COL4A3: variants seen among roughly 807,000 people sequenced by gnomAD.
COL4A3 encodes collagen alpha-3(IV) chain.
COL4A3 carries 135 observed loss-of-function variants against 217.4 expected under a neutral mutation model. That is an observed-to-expected ratio of 0.62 (90% CI 0.54 to 0.72). The LOEUF is 0.72. COL4A3 is among the 30% of genes least tolerant of loss of function. COL4A3 has a pLI of 0.00. For synonymous variants in COL4A3, 690 were observed against 736.3 expected, an observed-to-expected ratio of 0.94 and a Z score of 1.02; for missense variants, 1,868 against 2,119.9, an observed-to-expected ratio of 0.88 and a Z score of 2.33.
chr2:227,275,842 T>A (rs1559889633), intron 26 of COL4A3, among the ~76,000 whole-genome samples: 1 of 152,276 alleles, frequency 6.6e-6, no homozygotes, highest in East Asian at 1.9e-4. Context: ...AAGTATCCTA[T>A]CAGTATTCAC....
rs1480209528 is a variant in COL4A3, at chr2:227,250,796, C to T, written c.547-344C>T. The stretch of plus-strand genomic sequence containing the variant: ...AAGGGGATTCTAGGCAGAGGGAGAG[C>T]AGGTGGCAGGCCCTAACGTAGGAGC... On this transcript the variant is annotated intron_variant, in intron 9 of 51. Coordinates refer to ENST00000396578, the MANE Select transcript of COL4A3 (RefSeq NM_000091.5). This position sits in a 1 kb window ranked among gnomAD's most constrained non-coding sequence, Gnocchi z 4.1. Among the ~76,000 whole-genome samples the T allele has an allele frequency of 6.6e-6, 1 of 151,860 alleles. No homozygotes were observed. Among genetic ancestry groups the T allele is most frequent in the African/African-American group, 2.4e-5 (1 of 41,352 alleles).
At chr2:227,230,983 T>A (rs1408682309) in intron 1 of COL4A3, among the ~76,000 whole-genome samples, 1 of 152,204 alleles carries the variant, frequency 6.6e-6, no homozygotes, top group Non-Finnish European at 1.5e-5. Context: ...GTCAGCTTAA[T>A]TATGTAGCTG....
intron 1 of COL4A3, among the ~76,000 whole-genome samples, chr2:227,173,250 G>A (rs1019981997): frequency 6.6e-6 from 1 of 152,134 alleles, no homozygotes; most frequent in Non-Finnish European, 1.5e-5. Flanking sequence ...ACATCAGTGG[G>A]AATTAGGAAC....
chr2:227,166,296 G>A (rs1001896658), intron 1 of COL4A3, among the ~76,000 whole-genome samples: 1 of 152,148 alleles, frequency 6.6e-6, no homozygotes, highest in South Asian at 2.1e-4. Context: ...ATGCTACTAG[G>A]CATGATAGAT....
intron 1 of COL4A3, among the ~76,000 whole-genome samples, chr2:227,218,526 T>C (rs1322880328): frequency 2.0e-5 from 3 of 152,178 alleles, no homozygotes; most frequent in African/African-American, 7.2e-5. Flanking sequence ...GATATGATAA[T>C]GATTCCATCT....
At chr2:227,210,876 G>C (rs113549964) in intron 1 of COL4A3, among the ~76,000 whole-genome samples, 1 of 5,844 alleles carries the variant, frequency 1.7e-4, no homozygotes, top group African/African-American at 2.2e-4. Context: ...TCACCTGTTT[G>C]GGGGGAACTC....
chr2:227,261,057 A>G, intron 19 of COL4A3, 25 bp from the exon 20 acceptor site: 1 of 1,597,154 alleles, frequency 6.3e-7, no homozygotes, highest in African/African-American at 1.3e-5. Context: ...TTTCTAAGCA[A>G]TTAATTAATG....
chr2:227,294,562 GC>G lies in COL4A3; in HGVS notation c.3413del (p.Pro1138LeufsTer16). 1 of 1,610,486 alleles carries G rather than the reference GC, an allele frequency of 6.2e-7. No homozygotes were observed. Among genetic ancestry groups the G allele is most frequent in the Non-Finnish European group, 8.5e-7 (1 of 1,176,674 alleles). ...KGLLGPPGIR[G>X]PPGLPGFPGS... ...CTCCTGGGCCCTCCAGGAATCAGAG[GC>G]CCTCCAGGTTTCATTTTTGTACTTT... On this transcript the variant is annotated frameshift_variant, in exon 39 of 52. Transcript: ENST00000396578. LOFTEE classifies it high-confidence loss of function.
At position 227,312,656 on chromosome 2, in the gene COL4A3, A is replaced by G. The variant is rs1385828115; in HGVS notation, c.*786A>G. 6.6e-6 allele frequency: 1 copy of G among 152,668 alleles called. No individual in the cohort carries two copies. Among genetic ancestry groups the G allele is most frequent in the African/African-American group, 2.4e-5 (1 of 41,464 alleles). The allele number at this position is 152,668 out of a possible 1,614,324, so 9.5% of individuals were successfully genotyped here. A position where few individuals can be genotyped will look rare whatever the true frequency, so the allele number is the denominator to read the frequency against. On this transcript the variant is annotated 3_prime_UTR_variant, in exon 52 of 52. Transcript: ENST00000396578. ...GTTTTAAAATGATATTGTTATATAC[A>G]TACTATGAAATATGTATAACTTTAA...
At chr2:227,264,454 G>A (rs2070772492) in intron 21 of COL4A3, among the ~76,000 whole-genome samples, 2 of 152,284 alleles carry the variant, frequency 1.3e-5, no homozygotes, top group Middle Eastern at 3.4e-3. Flanking sequence ...GTAGGCCAGA[G>A]GTGTGCCGCA....
intron 18 of COL4A3, chr2:227,259,028 A>C (rs927699493): frequency 6.6e-6 from 1 of 151,448 alleles, no homozygotes; most frequent in African/African-American, 2.4e-5. Flanking sequence ...CAAACCTTTG[A>C]TATTTCCACC....
intron 9 of COL4A3, 87 bp from the exon 10 acceptor site, chr2:227,251,053 A>T (rs757561238): frequency 9.8e-7 from 1 of 1,019,538 alleles, no homozygotes; most frequent in Non-Finnish European, 1.6e-6. Flanking sequence ...GATTTTATTA[A>T]AATATTTTAA....
rs992071937 is a variant in COL4A3 at position 227,250,697 on chromosome 2, G to A, written c.547-443G>A. On this transcript the variant is annotated intron_variant, in intron 9 of 51. Transcript: ENST00000396578. This position sits in a 1 kb window ranked among gnomAD's most constrained non-coding sequence, Gnocchi z 4.1. ...GTTACAACTTTGGATAAGCAGGAAG[G>A]CTTTATGGAAAGGATGACAATTGCA... 3.9e-5 allele frequency among the ~76,000 whole-genome samples: 6 copies of A among 152,184 alleles called. No homozygotes were observed. Among genetic ancestry groups the A allele is most frequent in the African/African-American group, 1.4e-4 (6 of 41,448 alleles).
chr2:227,218,174 A>C (rs1302047941), intron 1 of COL4A3, among the ~76,000 whole-genome samples: 2 of 151,208 alleles, frequency 1.3e-5, no homozygotes, highest in African/African-American at 4.9e-5. Context: ...CATTTGAAAA[A>C]ATGTCGTGTG....
Position 227,164,712 on chromosome 2 carries a change from G to A in COL4A3, c.-15G>A, listed in dbSNP as rs1030713074. The A allele has an allele frequency of 6.5e-7, 1 of 1,530,466 alleles. No homozygotes were observed. Among genetic ancestry groups the A allele is most frequent in the African/African-American group, 1.4e-5 (1 of 72,422 alleles). 94.8% of individuals were successfully genotyped at this position (1,530,466 alleles called of 1,614,324 possible). A position where few individuals can be genotyped will look rare whatever the true frequency, so the allele number is the denominator to read the frequency against. On this transcript the variant is annotated 5_prime_UTR_variant, in exon 1 of 52. Transcript: ENST00000396578. The surrounding 1 kb of genome is among the most constrained non-coding windows in gnomAD (Gnocchi z 4.8). Reference sequence around the variant, plus strand: ...GGGTCCCCGGACTCGCCCAGGCTCTGAGCGCGCGCCCACCATGAGCGCCCG... The same window carrying A: ...GGGTCCCCGGACTCGCCCAGGCTCTAAGCGCGCGCCCACCATGAGCGCCCG...
rs191167129 is a variant in COL4A3 at position 227,241,491 on chromosome 2, T to A, written c.234+1259T>A. On this transcript the variant is annotated intron_variant, in intron 3 of 51. Coordinates refer to ENST00000396578, the MANE Select transcript of COL4A3 (RefSeq NM_000091.5). The stretch of plus-strand genomic sequence containing the variant: ...GAGTTTGAGGTCAACCTGGGCAACA[T>A]AAGGAGACCCAGTTTCTACCAAAAA... Among the ~76,000 whole-genome samples the A allele has an allele frequency of 7.2e-5, 11 of 152,102 alleles. 1 individual carries two copies. In the East Asian group the frequency reaches 9.7e-4, roughly 13 times the overall value.
Position 227,164,658 on chromosome 2 carries a change from G to C in COL4A3, c.-69G>C. On this transcript the variant is annotated 5_prime_UTR_variant, in exon 1 of 52. Coordinates refer to ENST00000396578, the MANE Select transcript of COL4A3 (RefSeq NM_000091.5). The surrounding 1 kb of genome is among the most constrained non-coding windows in gnomAD (Gnocchi z 4.8). ...AGCCGGGCTCCCAGAGCCGCGCTGC[G>C]CAGGAGACGCGGTGGCCTGAGAGCC... is the stretch of plus-strand genomic sequence containing the variant. 1 of 1,526,364 alleles carries C rather than the reference G, an allele frequency of 6.6e-7. No homozygotes were observed. Among genetic ancestry groups the C allele is most frequent in the Non-Finnish European group, 8.8e-7 (1 of 1,142,012 alleles). 94.6% of individuals were successfully genotyped at this position (1,526,364 alleles called of 1,614,324 possible).
intron 1 of COL4A3, among the ~76,000 whole-genome samples, chr2:227,216,078 G>A (rs2067517828): frequency 6.6e-6 from 1 of 152,068 alleles, no homozygotes; most frequent in South Asian, 2.1e-4. Flanking sequence ...ACTGGAGGGA[G>A]GAGAGAATGA....
Position 227,254,686 on chromosome 2 carries a change from A to G in COL4A3, c.859A>G (p.Lys287Glu). ...GCCTGGAGAATCATATGGATCTGAAAAGGGTGCTCCTGGAGACCCTGGCCT... is the reference window on the plus strand; with the variant it reads ...GCCTGGAGAATCATATGGATCTGAAGAGGGTGCTCCTGGAGACCCTGGCCT... ...GLPGESYGSE[K>E]GAPGDPGLQG... The change falls in exon 15 of 52, where the codon AAG becomes GAG. Residue 287 changes from lysine to glutamate, a missense_variant. This residue lies in a region of COL4A3 where 1,503 missense variants were observed against 1,786.1 expected (regional missense o/e 0.84). Transcript: ENST00000396578. 6.2e-7 allele frequency: 1 copy of G among 1,613,666 alleles called. No homozygotes were observed. The highest frequency in any genetic ancestry group is 1.1e-5 in the South Asian group (1 of 91,078).
Sources: allele counts gnomAD v4.1 joint callset (sites outside exome capture counted in the v4.1 genomes callset), GRCh38; gene constraint gnomAD v4.1.1; regional missense constraint gnomAD v4.1.1; non-coding constraint Gnocchi (gnomAD v3.1); transcripts MANE v1.5; gene names NCBI Gene and HGNC (gene_info 2026-07-23, HGNC 2026-07-21).